The following RAE1 variants were observed in gnomAD, a reference collection of about 807,000 sequenced individuals.
RAE1 encodes ribonucleic acid export 1, also known as mRNA export factor RAE1.
In RAE1, 13 loss-of-function variants were observed where a neutral mutation model predicts 52.7. The ratio of observed to expected loss-of-function variants is 0.25; its 90% CI spans 0.16 to 0.39. The LOEUF (loss-of-function observed/expected upper bound fraction) is 0.39. RAE1 is among the 10% of genes least tolerant of loss of function. The pLI, the probability that RAE1 is intolerant of heterozygous loss-of-function variation, is 1.00. For synonymous variants in RAE1, 164 were observed against 153.1 expected (o/e 1.07, Z -0.52); for missense variants, 262 against 459.8 (o/e 0.57, Z 3.93).
At chr20:57,368,662 C>G (rs762416098) in intron 7 of RAE1, 43 bp from the exon 8 acceptor site, 1 of 1,400,488 alleles carries the variant, frequency 7.1e-7, no homozygotes, top group Admixed American at 1.7e-5. Flanking sequence ...AAACAGCACA[C>G]TCCTTCACCT....
chr20:57,361,615 T>C (rs1600714650), intron 4 of RAE1, among the ~76,000 whole-genome samples: 1 of 152,192 alleles, frequency 6.6e-6, no homozygotes, highest in Non-Finnish European at 1.5e-5. Flanking sequence ...ACCTTATGGT[T>C]GTTATGTCAG....
At chr20:57,375,102 T>C (rs746111445) in intron 11 of RAE1, 105 of 674,938 alleles carry the variant, frequency 1.6e-4, no homozygotes, top group Admixed American at 5.6e-4. Flanking sequence ...ATGAAGGGGG[T>C]GGCAGGGCGG....
In RAE1 at chr20:57,366,799, G is replaced by T. The variant is rs756741686; in HGVS notation, c.376-8G>T. ...CCTTGATCTGTTTTGTTTTTGTCTT[G>T]TTGAAAGCATGATGCTCCTGTTAAA... is the stretch of plus-strand genomic sequence containing the variant. On this transcript the variant is annotated splice_polypyrimidine_tract_variant and splice_region_variant and intron_variant, in intron 5 of 11. Transcript: ENST00000395841. The T allele has an allele frequency of 1.2e-6, 2 of 1,606,858 alleles. No individual in the cohort carries two copies. The highest frequency in any genetic ancestry group is 2.2e-5 in the South Asian group (2 of 90,908).
rs951208066 is a variant in RAE1, at chr20:57,376,843, TAAA to T, written c.1021-1166_1021-1164del. 1.2e-4 allele frequency among the ~76,000 whole-genome samples: 19 copies of T among 152,346 alleles called. 1 individual carries two copies. The highest frequency in any genetic ancestry group is 1.1e-3 in the Admixed American group (17 of 15,302). On this transcript the variant is annotated intron_variant, in intron 11 of 11. Transcript: ENST00000395841. ...GCGGGACTCTATACGTTATACGCGT[TAAA>T]AAATGTAGTAAATTGAAAGCAGTGA...
At chr20:57,373,401 A>T in intron 8 of RAE1, 74 bp from the exon 9 acceptor site, 1 of 1,445,358 alleles carries the variant, frequency 6.9e-7, no homozygotes, top group Non-Finnish European at 9.6e-7. Flanking sequence ...TGGGGTAAAA[A>T]TGACTTACCT....
At chr20:57,368,357 A>G (rs1335613916) in intron 7 of RAE1, among the ~76,000 whole-genome samples, 3 of 152,258 alleles carry the variant, frequency 2.0e-5, no homozygotes, top group Admixed American at 2.0e-4. Context: ...AGTAAAGGAT[A>G]TGAACTGTAC....
intron 10 of RAE1, 60 bp from the exon 11 acceptor site, chr20:57,374,547 G>T: frequency 6.8e-7 from 1 of 1,474,514 alleles, no homozygotes; most frequent in Non-Finnish European, 9.3e-7. Context: ...AGTGTGCGTG[G>T]GTGGAACCTT....
chr20:57,353,971 C>T (rs751901486), intron 1 of RAE1, 61 bp from the exon 2 acceptor site: 60 of 1,402,858 alleles, frequency 4.3e-5, no homozygotes, highest in Non-Finnish European at 5.8e-5. Flanking sequence ...AATTATCTTA[C>T]CATTGCCTCT....
chr20:57,366,998 T>C lies in RAE1; in HGVS notation c.463-10T>C, dbSNP rs1173431978. On this transcript the variant is annotated splice_polypyrimidine_tract_variant and intron_variant, in intron 6 of 11. Transcript: ENST00000395841. ...ATGGTCACATACTGGCTTCTCTTTT[T>C]TGCTTTTAGTTTTGGGATACTCGAT... 6.2e-7 allele frequency: 1 copy of C among 1,606,550 alleles called. No homozygotes were observed. Among genetic ancestry groups the C allele is most frequent in the Non-Finnish European group, 8.5e-7 (1 of 1,173,050 alleles).
In RAE1 at chr20:57,378,288, T is replaced by G. The variant is rs1178348856; in HGVS notation, c.*189T>G. The stretch of plus-strand genomic sequence containing the variant: ...GCGACTTGCCGTCTCTCCATTCCAC[T>G]GCCTGTTGCAGAGTTTTTCTGTAAC... On this transcript the variant is annotated 3_prime_UTR_variant, in exon 12 of 12. Transcript: ENST00000395841. 6 of 542,934 alleles carry G rather than the reference T, an allele frequency of 1.1e-5. No homozygotes were observed. 33.6% of individuals were successfully genotyped at this position (542,934 alleles called of 1,614,324 possible).
At chr20:57,358,889 A>G (rs1291271863) in intron 4 of RAE1, 7 of 1,191,400 alleles carry the variant, frequency 5.9e-6, no homozygotes, top group African/African-American at 1.6e-5. Context: ...ATAGGAGGCT[A>G]GGGCCTGTAG....
intron 4 of RAE1, among the ~76,000 whole-genome samples, chr20:57,363,865 C>A (rs137961968): frequency 7.6e-4 from 116 of 152,314 alleles, no homozygotes; most frequent in African/African-American, 2.7e-3. Flanking sequence ...AGAACAAATA[C>A]AACTTCTCGA....
At chr20:57,358,846 G>C (rs1459179226) in intron 4 of RAE1, 4 of 611,200 alleles carry the variant, frequency 6.5e-6, no homozygotes, top group Admixed American at 3.9e-5. Flanking sequence ...ATTATGCTCC[G>C]AGGTCACCCC....
chr20:57,352,551 T>A (rs1398526178), intron 1 of RAE1, among the ~76,000 whole-genome samples: 1 of 152,212 alleles, frequency 6.6e-6, no homozygotes, highest in Non-Finnish European at 1.5e-5. Context: ...GCATAAGGTG[T>A]GGTCCACACT....
intron 7 of RAE1, 70 bp from the exon 8 acceptor site, chr20:57,368,635 C>CAAAT (rs1600722154): frequency 1.9e-6 from 2 of 1,061,784 alleles, no homozygotes; most frequent in East Asian, 5.0e-5. Context: ...AAAAATTGAT[C>CAAAT]AAATACATTA....
intron 1 of RAE1, among the ~76,000 whole-genome samples, chr20:57,352,500 A>T (rs2066724849): frequency 1.3e-5 from 2 of 152,174 alleles, no homozygotes; most frequent in Non-Finnish European, 2.9e-5. Context: ...GGTCCCACAG[A>T]TGACTGTGCC....
At chr20:57,373,389 C>T in intron 8 of RAE1, 86 bp from the exon 9 acceptor site, 2 of 1,324,708 alleles carry the variant, frequency 1.5e-6, no homozygotes. Context: ...AAAACCTAAA[C>T]ATGGGGTAAA....
At chr20:57,353,363 C>T (rs2066738803) in intron 1 of RAE1, among the ~76,000 whole-genome samples, 1 of 152,170 alleles carries the variant, frequency 6.6e-6, no homozygotes, top group African/African-American at 2.4e-5. Flanking sequence ...AGTCCCAACT[C>T]CTGAGTGGCA....
In RAE1 at chr20:57,367,827, G is replaced by A. The variant is rs115519766; in HGVS notation, c.534+748G>A. ...CTTAAAGTTTTGTACCAACAATCCC[G>A]TAATTCCACTTTTAGGAATTTATCA... is the stretch of plus-strand genomic sequence containing the variant. On this transcript the variant is annotated intron_variant, in intron 7 of 11. Transcript: ENST00000395841. 1.2e-3 allele frequency among the ~76,000 whole-genome samples: 188 copies of A among 151,086 alleles called. 1 individual carries two copies. Among genetic ancestry groups the A allele is most frequent in the African/African-American group, 4.1e-3 (170 of 41,158 alleles).
Sources: allele counts gnomAD v4.1 joint callset (sites outside exome capture counted in the v4.1 genomes callset), GRCh38; gene constraint gnomAD v4.1.1; transcripts MANE v1.5; gene names NCBI Gene and HGNC (gene_info 2026-07-23, HGNC 2026-07-21).